The following MRTFA variants were observed in gnomAD, a reference collection of about 807,000 sequenced individuals.
The protein encoded by MRTFA is myocardin related transcription factor A.
MRTFA carries 20 observed loss-of-function variants against 83.5 expected under a neutral mutation model. That is an observed-to-expected ratio of 0.24 (90% CI 0.17 to 0.35). MRTFA has a LOEUF of 0.35. MRTFA is among the 10% of genes least tolerant of loss of function. The probability of loss-of-function intolerance (pLI) is 1.00; values close to 1 mark genes in which losing one functional copy is unlikely to be tolerated. For synonymous variants in MRTFA, 659 were observed against 541.2 expected (o/e 1.22, Z -3.02); for missense variants, 1,200 against 1,224.7 (o/e 0.98, Z 0.30).
chr22:40,563,665 C>T (rs976366203), intron 2 of MRTFA, among the ~76,000 whole-genome samples: 3 of 152,128 alleles, frequency 2.0e-5, no homozygotes, highest in Non-Finnish European at 4.4e-5. Context: ...GAGTTCAAGA[C>T]CAATCTGGTC....
intron 3 of MRTFA, among the ~76,000 whole-genome samples, chr22:40,532,289 A>T (rs2055095118): frequency 6.6e-6 from 1 of 152,250 alleles, no homozygotes; most frequent in African/African-American, 2.4e-5. Flanking sequence ...AGGTGATTTT[A>T]AAAAGGGAGA....
chr22:40,492,351 ACT>A (rs199556157), intron 3 of MRTFA, among the ~76,000 whole-genome samples: 2,609 of 152,136 alleles, frequency 0.017, 75 homozygotes, highest in African/African-American at 0.06. Flanking sequence ...AGAATCAGTA[ACT>A]CTACTGGCAA....
At chr22:40,542,198 T>G (rs1451713885) in intron 3 of MRTFA, among the ~76,000 whole-genome samples, 1 of 152,074 alleles carries the variant, frequency 6.6e-6, no homozygotes, top group East Asian at 1.9e-4. Context: ...AACCTCTGCC[T>G]CCTCCTCCCA....
intron 1 of MRTFA, among the ~76,000 whole-genome samples, chr22:40,631,521 G>A (rs1393780588): frequency 6.6e-6 from 1 of 152,120 alleles, no homozygotes; most frequent in Non-Finnish European, 1.5e-5. Flanking sequence ...GGCAAGTAGA[G>A]CCAGGATTCC....
At chr22:40,596,174 A>G (rs1411066013) in intron 1 of MRTFA, among the ~76,000 whole-genome samples, 1 of 151,946 alleles carries the variant, frequency 6.6e-6, no homozygotes, top group Non-Finnish European at 1.5e-5. Context: ...GGTAACATTA[A>G]TCCTGGCACT....
At chr22:40,466,575 T>C (rs6001924) in intron 3 of MRTFA, among the ~76,000 whole-genome samples, 5,839 of 152,264 alleles carry the variant, frequency 0.038, 314 homozygotes, top group African/African-American at 0.12. Context: ...TGTCATCTTT[T>C]AGAGTGTTTC....
At chr22:40,436,124 C>T (rs1031873210) in intron 4 of MRTFA, among the ~76,000 whole-genome samples, 1 of 152,100 alleles carries the variant, frequency 6.6e-6, no homozygotes, top group Non-Finnish European at 1.5e-5. Flanking sequence ...ATATAAAGTG[C>T]ACCCATGGAA....
In MRTFA at chr22:40,540,004, G is replaced by A. The variant is rs542286130; in HGVS notation, c.241+12102C>T. On this transcript the variant is annotated intron_variant, in intron 3 of 14. Transcript: ENST00000355630. ...AGCTCACTGCAGCCTCGACCTCCCA[G>A]GCTCAAACGATCCCCCCATCTCAGC... Among the ~76,000 whole-genome samples, 200 of 148,826 alleles carry A rather than the reference G, an allele frequency of 1.3e-3. 1 individual carries two copies. In the Middle Eastern group the frequency reaches 0.014, roughly 11 times the overall value.
intron 4 of MRTFA, among the ~76,000 whole-genome samples, chr22:40,445,328 A>T (rs552262008): frequency 5.3e-5 from 8 of 152,224 alleles, no homozygotes; most frequent in African/African-American, 1.9e-4. Flanking sequence ...AAAGTTGCAG[A>T]TATCAGTTAT....
Position 40,420,540 on chromosome 22 carries a change from G to C in MRTFA, c.1218C>G (p.Pro406=). The C allele has an allele frequency of 6.2e-7, 1 of 1,613,660 alleles. No homozygotes were observed. The highest frequency in any genetic ancestry group is 8.5e-7 in the Non-Finnish European group (1 of 1,180,018). ...TGGTAGTGGAGAGGCTGCGTACTGG[G>C]GGGGTCCCGCTGCTTCCCAGGGCCT... Residue 406 remains proline (P), a synonymous_variant, in exon 11 of 15, where the codon CCC becomes CCG. Coordinates refer to ENST00000355630, the MANE Select transcript of MRTFA (RefSeq NM_020831.6).
chr22:40,486,633 TAAG>T (rs2054178980), intron 3 of MRTFA, among the ~76,000 whole-genome samples: 1 of 152,228 alleles, frequency 6.6e-6, no homozygotes, highest in Non-Finnish European at 1.5e-5. Context: ...TGGCTTTTTA[TAAG>T]AAGTCCAAAA....
At position 40,636,461 on chromosome 22, in the gene MRTFA, C is replaced by A. The variant is rs944737598; in HGVS notation, c.-84+17G>T. 3 of 152,220 alleles carry A rather than the reference C, an allele frequency of 2.0e-5. No homozygotes were observed. The highest frequency in any genetic ancestry group is 7.2e-5 in the African/African-American group (3 of 41,436). The allele number at this position is 152,220 out of a possible 1,614,324, so 9.4% of individuals were successfully genotyped here. On this transcript the variant is annotated intron_variant, in intron 1 of 14. Coordinates refer to ENST00000355630, the MANE Select transcript of MRTFA (RefSeq NM_020831.6). ...GCCGCGGTGGGGGAGGGGTCCCCAACCCGGACTCTCACTCACCGCCTCGCG... is the reference window on the plus strand; with the variant it reads ...GCCGCGGTGGGGGAGGGGTCCCCAAACCGGACTCTCACTCACCGCCTCGCG...
intron 2 of MRTFA, among the ~76,000 whole-genome samples, chr22:40,583,306 C>G (rs1158010562): frequency 6.6e-6 from 1 of 152,160 alleles, no homozygotes; most frequent in Non-Finnish European, 1.5e-5. Context: ...AGGGGCCCAG[C>G]TCACAAACTA....
At chr22:40,609,974 G>C (rs1272384695) in intron 1 of MRTFA, among the ~76,000 whole-genome samples, 1 of 151,154 alleles carries the variant, frequency 6.6e-6, no homozygotes, top group East Asian at 1.9e-4. Context: ...AGGATAAATA[G>C]ATCTTTCCAA....
At chr22:40,494,391 T>C (rs1343054678) in intron 3 of MRTFA, among the ~76,000 whole-genome samples, 5 of 152,156 alleles carry the variant, frequency 3.3e-5, no homozygotes, top group African/African-American at 1.2e-4. Context: ...TAAAAAATTA[T>C]ATACAGGCCA....
chr22:40,612,169 G>C (rs1413447414), intron 1 of MRTFA, among the ~76,000 whole-genome samples: 3 of 152,134 alleles, frequency 2.0e-5, no homozygotes, highest in Non-Finnish European at 4.4e-5. Context: ...ACTTTATTTA[G>C]GCAATGTAAA....
At chr22:40,595,592 T>C (rs2056180435) in intron 1 of MRTFA, among the ~76,000 whole-genome samples, 1 of 152,088 alleles carries the variant, frequency 6.6e-6, no homozygotes, top group African/African-American at 2.4e-5. Context: ...CTTAAGGAGT[T>C]GAGAAACTAA....
intron 4 of MRTFA, among the ~76,000 whole-genome samples, chr22:40,443,277 A>AACAT (rs2053314074): frequency 1.3e-5 from 2 of 152,030 alleles, no homozygotes; most frequent in Non-Finnish European, 2.9e-5. Context: ...AAAACAAACA[A>AACAT]AAAAAACTTA....
chr22:40,411,879 T>A lies in MRTFA; in HGVS notation c.2607A>T (p.Pro869=). The A allele has an allele frequency of 6.7e-7, 1 of 1,483,912 alleles. No individual in the cohort carries two copies. Among genetic ancestry groups the A allele is most frequent in the African/African-American group, 1.4e-5 (1 of 71,102 alleles). The allele number at this position is 1,483,912 out of a possible 1,614,324, so 91.9% of individuals were successfully genotyped here. A position where few individuals can be genotyped will look rare whatever the true frequency, so the allele number is the denominator to read the frequency against. ...ATGGCTTCTCCTTCCCTGGCAGGGA[T>A]GGCGGCTCCTTGAAATCTGCTGAAA... The change falls in exon 15 of 15, where the codon CCA becomes CCT. Residue 869 remains proline, a synonymous_variant. Transcript: ENST00000355630.
Sources: gnomAD v4.1 joint callset for allele counts (sites outside exome capture counted in the v4.1 genomes callset) on GRCh38, gnomAD v4.1.1 for gene constraint, MANE v1.5 for transcripts, NCBI Gene and HGNC (gene_info 2026-07-23, HGNC 2026-07-21) for gene names.